The following BANP variants were observed in gnomAD, a reference collection of about 807,000 sequenced individuals.
BANP encodes the protein BTG3 associated nuclear protein.
In BANP, 11 loss-of-function variants were observed where a neutral mutation model predicts 68.1. That is an observed-to-expected ratio of 0.16 (90% CI 0.10 to 0.27). The LOEUF is 0.27. Ranked by LOEUF, BANP falls within the 10% of genes least tolerant of loss-of-function variation. The pLI is 1.00. For synonymous variants in BANP, 329 were observed against 303.2 expected (o/e 1.09, Z -0.88); for missense variants, 504 against 722.7 (o/e 0.70, Z 3.47).
intron 13 of BANP, among the ~76,000 whole-genome samples, chr16:88,075,116 C>T (rs1256462225): frequency 6.6e-6 from 1 of 152,120 alleles, no homozygotes; most frequent in Non-Finnish European, 1.5e-5. Flanking sequence ...GAGGCTGAGG[C>T]AGGCCAATCA....
At chr16:88,010,745 C>T (rs1012946594) in intron 6 of BANP, among the ~76,000 whole-genome samples, 4 of 152,240 alleles carry the variant, frequency 2.6e-5, no homozygotes, top group East Asian at 1.9e-4. Context: ...CAGCTATGCA[C>T]GTGGAAAGGA....
chr16:87,972,713 C>G (rs779139945), intron 1 of BANP, among the ~76,000 whole-genome samples: 10 of 152,196 alleles, frequency 6.6e-5, no homozygotes, highest in Non-Finnish European at 1.2e-4. Flanking sequence ...TCTCAGCTCT[C>G]TAGGCTCTGT....
rs889364549 is a variant in BANP at position 87,957,951 on chromosome 16, A to G, written c.-69+6436A>G. Among the ~76,000 whole-genome samples, 1 of 152,066 alleles carries G rather than the reference A, an allele frequency of 6.6e-6. No homozygotes were observed. The highest frequency in any genetic ancestry group is 6.5e-5 in the Admixed American group (1 of 15,268). On this transcript the variant is annotated intron_variant, in intron 1 of 13. Transcript: ENST00000682872. This position sits in a 1 kb window ranked among gnomAD's most constrained non-coding sequence, Gnocchi z 4.3. ...GAGCTGGCGGTGGGTCCCTGAGCAG[A>G]GTGCTGCCGCTGCCAGTCTGCGTTT...
intron 8 of BANP, among the ~76,000 whole-genome samples, chr16:88,028,940 T>A (rs2077538954): frequency 6.6e-6 from 1 of 152,242 alleles, no homozygotes; most frequent in Non-Finnish European, 1.5e-5. Context: ...TATTTTTCCC[T>A]TTGTCTTTCA....
chr16:87,973,049 T>A (rs1254018191), intron 1 of BANP, among the ~76,000 whole-genome samples: 1 of 151,982 alleles, frequency 6.6e-6, no homozygotes, highest in Non-Finnish European at 1.5e-5. Flanking sequence ...TGTTTGGGGT[T>A]CTTGAGGAAT....
Position 88,065,447 on chromosome 16 carries a change from A to C in BANP, c.1377+115A>C, listed in dbSNP as rs1211185823. 9 of 618,316 alleles carry C rather than the reference A, an allele frequency of 1.5e-5. No homozygotes were observed. The East Asian group carries it at 2.5e-4, about 17-fold the overall frequency. 38.3% of individuals were successfully genotyped at this position (618,316 alleles called of 1,614,324 possible). A position where few individuals can be genotyped will look rare whatever the true frequency, so the allele number is the denominator to read the frequency against. ...CCTGGCCATCCAGGGTCATCTCACCACGTGAGGGTGATCAGTTGAGCCACA... is the reference window on the plus strand; with the variant it reads ...CCTGGCCATCCAGGGTCATCTCACCCCGTGAGGGTGATCAGTTGAGCCACA... On this transcript the variant is annotated intron_variant, in intron 12 of 13. Coordinates refer to ENST00000682872, the MANE Select transcript of BANP (RefSeq NM_001386991.1).
Position 88,027,655 on chromosome 16 carries a change from G to A in BANP, c.1063+5G>A. The A allele has an allele frequency of 6.2e-7, 1 of 1,612,772 alleles. No individual in the cohort carries two copies. The highest frequency in any genetic ancestry group is 8.5e-7 in the Non-Finnish European group (1 of 1,179,774). Reference sequence around the variant, plus strand: ...CGTCCTCCTACTGCCCTTCAGGTAGGCCTCGTGCTGCAGGAGAGGCCGCCC... The same window carrying A: ...CGTCCTCCTACTGCCCTTCAGGTAGACCTCGTGCTGCAGGAGAGGCCGCCC... On this transcript the variant is annotated splice_donor_5th_base_variant and intron_variant, in intron 8 of 13. Transcript: ENST00000682872.
chr16:88,056,939 T>G (rs1159725429), intron 11 of BANP, among the ~76,000 whole-genome samples: 1 of 152,226 alleles, frequency 6.6e-6, no homozygotes, highest in Non-Finnish European at 1.5e-5. Context: ...AACTACGGCT[T>G]ACGTTCACCA....
intron 8 of BANP, among the ~76,000 whole-genome samples, chr16:88,030,364 G>T (rs1250807751): frequency 3.3e-5 from 5 of 152,116 alleles, no homozygotes; most frequent in African/African-American, 1.2e-4. Flanking sequence ...AGAAATAGAA[G>T]ACATAAAAAA....
At position 88,002,619 on chromosome 16, in the gene BANP, G is replaced by GC. The variant is rs918014954; in HGVS notation, c.363-1670dup. 6.6e-6 allele frequency among the ~76,000 whole-genome samples: 1 copy of GC among 152,126 alleles called. No homozygotes were observed. The highest frequency in any genetic ancestry group is 2.4e-5 in the African/African-American group (1 of 41,428). On this transcript the variant is annotated intron_variant, in intron 4 of 13. Transcript: ENST00000682872. The surrounding 1 kb of genome is among the most constrained non-coding windows in gnomAD (Gnocchi z 4.6). The stretch of plus-strand genomic sequence containing the variant: ...TGCTGAGAGCTGTTTGCATCCATGA[G>GC]CCCCCCAGAAGCTGTGGGGCACCCG...
intron 1 of BANP, among the ~76,000 whole-genome samples, chr16:87,974,496 C>A (rs1044372322): frequency 2.6e-5 from 4 of 152,202 alleles, no homozygotes; most frequent in African/African-American, 4.8e-5. Context: ...AGAGGTGCTG[C>A]CACTCCGCCG....
intron 13 of BANP, among the ~76,000 whole-genome samples, chr16:88,074,877 T>C (rs2091249146): frequency 6.6e-6 from 1 of 151,962 alleles, no homozygotes; most frequent in African/African-American, 2.4e-5. Context: ...CAGGGAACAG[T>C]ATATCGAGTG....
intron 11 of BANP, among the ~76,000 whole-genome samples, chr16:88,060,492 CAT>C (rs1403455193): frequency 1.3e-5 from 2 of 152,218 alleles, no homozygotes; most frequent in African/African-American, 2.4e-5. Flanking sequence ...CGTTGGAGCA[CAT>C]GTTTTTAGAA....
At chr16:88,019,564 C>CG (rs1371143460) in intron 7 of BANP, among the ~76,000 whole-genome samples, 1 of 48,262 alleles carries the variant, frequency 2.1e-5, no homozygotes, top group East Asian at 4.7e-4. Context: ...TCTCAGCGTG[C>CG]GGGGGGCGGG....
chr16:88,043,354 A>C (rs1458969605), intron 11 of BANP, among the ~76,000 whole-genome samples: 1 of 152,138 alleles, frequency 6.6e-6, no homozygotes, highest in African/African-American at 2.4e-5. Flanking sequence ...TTCTTCATTG[A>C]GAGTGGAGTT....
intron 13 of BANP, among the ~76,000 whole-genome samples, chr16:88,073,848 C>T (rs2091003938): frequency 1.3e-5 from 2 of 152,252 alleles, no homozygotes; most frequent in African/African-American, 2.4e-5. Context: ...GTGTTTACAC[C>T]CCTAGCTTCC....
chr16:88,030,979 G>T (rs1339163950), intron 8 of BANP, among the ~76,000 whole-genome samples: 2 of 152,266 alleles, frequency 1.3e-5, no homozygotes, highest in African/African-American at 4.8e-5. Flanking sequence ...AATTAGGCTG[G>T]TTTTGTAGGT....
chr16:88,024,314 C>T (rs530933397), intron 7 of BANP, among the ~76,000 whole-genome samples: 4 of 152,174 alleles, frequency 2.6e-5, no homozygotes, highest in Non-Finnish European at 4.4e-5. Context: ...GACTTGGACA[C>T]ATCACTTCTC....
intron 4 of BANP, among the ~76,000 whole-genome samples, chr16:87,993,521 G>A (rs1457837498): frequency 2.6e-5 from 4 of 152,010 alleles, no homozygotes; most frequent in African/African-American, 7.2e-5. Flanking sequence ...TTGGCAGCTC[G>A]TCAGTTGGCT....
Sources: gnomAD v4.1 joint callset for allele counts (sites outside exome capture counted in the v4.1 genomes callset) on GRCh38, gnomAD v4.1.1 for gene constraint, Gnocchi (gnomAD v3.1) non-coding constraint, MANE v1.5 for transcripts, NCBI Gene and HGNC (gene_info 2026-07-23, HGNC 2026-07-21) for gene names.